Variants in CCDC9B observed in about 807,000 individuals in gnomAD.
CCDC9B encodes the protein coiled-coil domain containing 9B.
In CCDC9B, 40 loss-of-function variants were observed where a neutral mutation model predicts 47.2. The ratio of observed to expected loss-of-function variants is 0.85; its 90% CI spans 0.66 to 1.10. CCDC9B has a LOEUF of 1.10. Among genes scored for constraint, CCDC9B ranks in the 50% least tolerant of loss-of-function variants. The probability of loss-of-function intolerance (pLI) is 0.00; values close to 1 mark genes in which losing one functional copy is unlikely to be tolerated. For missense variants in CCDC9B, 662 were observed against 651.0 expected (o/e 1.02, Z -0.18); for synonymous variants, 238 against 250.7 (o/e 0.95, Z 0.48).
chr15:40,335,966 G>A, intron 9 of CCDC9B, 140 bp from the exon 10 acceptor site: 5 of 1,497,864 alleles, frequency 3.3e-6, no homozygotes, highest in Non-Finnish European at 4.4e-6. Flanking sequence ...GCCTCACACT[G>A]AGCAGTGGAG....
At position 40,338,607 on chromosome 15, in the gene CCDC9B, C is replaced by T. The variant is rs548213771; in HGVS notation, c.441G>A (p.Glu147=). The T allele has an allele frequency of 1.2e-6, 2 of 1,614,062 alleles. No individual in the cohort carries two copies. The highest frequency in any genetic ancestry group is 2.7e-5 in the African/African-American group (2 of 74,940). The change falls in exon 5 of 11, where the codon GAG becomes GAA. Residue 147 remains glutamate (E), a synonymous_variant. Transcript: ENST00000397536. ...GGGTCACACGCCCTCCAGGTGACCCCTCTATGCCTTGGTTCCTTGCTCTGG... is the reference window on the plus strand; with the variant it reads ...GGGTCACACGCCCTCCAGGTGACCCTTCTATGCCTTGGTTCCTTGCTCTGG... ...KPTRARNQGI[E]GSPGGRVTRS... is the part of the protein sequence containing the mutation.
intron 5 of CCDC9B, chr15:40,338,140 C>T (rs781293179): frequency 8.3e-6 from 6 of 722,422 alleles, no homozygotes; most frequent in Non-Finnish European, 1.5e-5. Flanking sequence ...CACCAACCCA[C>T]AGGGGTGTTG....
At chr15:40,339,307 A>C in intron 3 of CCDC9B, 3 of 599,264 alleles carry the variant, frequency 5.0e-6, no homozygotes, top group Non-Finnish European at 8.9e-6. Flanking sequence ...AAAGGGTATG[A>C]AGATGCATCT....
chr15:40,340,087 C>T, intron 1 of CCDC9B, 72 bp from the exon 2 acceptor site: 1 of 951,896 alleles, frequency 1.1e-6, no homozygotes, highest in Non-Finnish European at 1.6e-6. Flanking sequence ...TTCACATTTT[C>T]ACCACCCAAG....
chr15:40,335,148 G>A lies in CCDC9B; in HGVS notation c.*10C>T. On this transcript the variant is annotated 3_prime_UTR_variant, in exon 11 of 11. Transcript: ENST00000397536. ...CTCCCCGGGGACTCCCCAGCTCCCA[G>A]GAGCTGTGTTCAGCATCTTCCTGCC... The A allele has an allele frequency of 6.7e-7, 1 of 1,495,204 alleles. No individual in the cohort carries two copies. Among genetic ancestry groups the A allele is most frequent in the Non-Finnish European group, 8.9e-7 (1 of 1,122,740 alleles). 92.6% of individuals were successfully genotyped at this position (1,495,204 alleles called of 1,614,324 possible).
At chr15:40,338,471 C>T (rs1009399142) in intron 5 of CCDC9B, 64 bp downstream of exon 5, 4 of 1,571,014 alleles carry the variant, frequency 2.5e-6, no homozygotes, top group Admixed American at 3.5e-5. Context: ...TCTGACTCAG[C>T]TTCTCTGCCT....
chr15:40,335,241 T>C lies in CCDC9B; in HGVS notation c.1390A>G (p.Thr464Ala), dbSNP rs768986155. ...QQGLAPRSRP[T>A]RGGSQRSRGT... The stretch of plus-strand genomic sequence containing the variant: ...CTCGACCTTTGGCTGCCTCCTCTCG[T>C]GGGCCGGCTTCTCGGGGCCAGGCCC... The change falls in exon 11 of 11, where the codon ACG becomes GCG. Residue 464 changes from threonine (T) to alanine (A), a missense_variant. By Grantham distance (58) the Thr-to-Ala change is moderately conservative. Coordinates refer to ENST00000397536, the MANE Select transcript of CCDC9B (RefSeq NM_207380.3). 4 of 1,595,042 alleles carry C rather than the reference T, an allele frequency of 2.5e-6. No individual in the cohort carries two copies. The Admixed American group carries it at 6.9e-5, about 27-fold the overall frequency.
At position 40,335,652 on chromosome 15, in the gene CCDC9B, T is replaced by G. The variant is rs148266066; in HGVS notation, c.979A>C (p.Lys327Gln). Residue 327 changes from lysine to glutamine, a missense_variant, in exon 11 of 11, where the codon AAG (lysine) becomes CAG (glutamine). By Grantham distance (53) the Lys-to-Gln change is moderately conservative (BLOSUM62 1). Coordinates refer to ENST00000397536, the MANE Select transcript of CCDC9B (RefSeq NM_207380.3). ...CGGCCCTGCTCCATCCCGCTCTGCT[T>G]CTGGGCTTGCTCCTCCTCACTGGGA... ...ETPSEEEQAQKQSGMEQGRLG... is the reference protein window; with the variant it reads ...ETPSEEEQAQQQSGMEQGRLG... The G allele has an allele frequency of 1.6e-4, 243 of 1,534,620 alleles. No homozygotes were observed. The African/African-American group carries it at 2.9e-3, about 18-fold the overall frequency.
rs3067241 is a variant in CCDC9B at position 40,333,566 on chromosome 15, T to TAAAAAAAAAAAAAAA, written c.*1577_*1591dup. The TAAAAAAAAAAAAAAA allele has an allele frequency of 5.9e-3, 389 of 65,532 alleles. 37 individuals are homozygous for TAAAAAAAAAAAAAAA. The highest frequency in any genetic ancestry group is 0.025 in the African/African-American group (364 of 14,702). 4.1% of individuals were successfully genotyped at this position (65,532 alleles called of 1,614,324 possible). A position where few individuals can be genotyped will look rare whatever the true frequency, so the allele number is the denominator to read the frequency against. ...TAGGTGATAACAGCAGGACCCTAAC[T>TAAAAAAAAAAAAAAA]AAAAAAAAAAAAAAAAAAAAAAGAC... is the stretch of plus-strand genomic sequence containing the variant. On this transcript the variant is annotated 3_prime_UTR_variant, in exon 11 of 11. Transcript: ENST00000397536.
rs1888987612 is a variant in CCDC9B at position 40,337,461 on chromosome 15, G to A, written c.684-15C>T. 3 of 1,541,942 alleles carry A rather than the reference G, an allele frequency of 1.9e-6. No homozygotes were observed. Among genetic ancestry groups the A allele is most frequent in the Admixed American group, 4.1e-5 (2 of 48,730 alleles). On this transcript the variant is annotated splice_polypyrimidine_tract_variant and intron_variant, in intron 6 of 10. Coordinates refer to ENST00000397536, the MANE Select transcript of CCDC9B (RefSeq NM_207380.3). ...AGTCCTGTAGCCTGTGTAGACAGAGGGAGTCAGGTTGCTGGTGCACAGAAG... is the reference window on the plus strand; with the variant it reads ...AGTCCTGTAGCCTGTGTAGACAGAGAGAGTCAGGTTGCTGGTGCACAGAAG...
In CCDC9B at chr15:40,335,208, C is replaced by G. The variant is rs1004196352; in HGVS notation, c.1423G>C (p.Ala475Pro). The stretch of plus-strand genomic sequence containing the variant: ...CGCCCTGTCCTGCGCCTCACACCTG[C>G]TGTGCCTCTCGACCTTTGGCTGCCT... ...RGGSQRSRGT[A>P]GVRRRTGRPG... Residue 475 changes from alanine (A) to proline (P), a missense_variant, in exon 11 of 11, where the codon GCA becomes CCA. Ala to Pro is a conservative substitution (Grantham distance 27, BLOSUM62 -1). Coordinates refer to ENST00000397536, the MANE Select transcript of CCDC9B (RefSeq NM_207380.3). The G allele has an allele frequency of 6.4e-7, 1 of 1,564,438 alleles. No individual in the cohort carries two copies. Among genetic ancestry groups the G allele is most frequent in the African/African-American group, 1.4e-5 (1 of 73,488 alleles).
intron 6 of CCDC9B, 88 bp from the exon 7 acceptor site, chr15:40,337,534 A>T: frequency 7.7e-7 from 1 of 1,295,468 alleles, no homozygotes; most frequent in Non-Finnish European, 1.1e-6. Flanking sequence ...GCCCAGGCCC[A>T]GAATTGAAGG....
chr15:40,339,056 A>G, intron 3 of CCDC9B, 153 bp from the exon 4 acceptor site: 1 of 859,874 alleles, frequency 1.2e-6, no homozygotes, highest in Admixed American at 2.0e-5. Flanking sequence ...TCACATGCCA[A>G]TGGCATGAGG....
Position 40,335,707 on chromosome 15 carries a change from C to A in CCDC9B, c.931-7G>T. ...CTCTGGTGCTTTGGCTTCCCTGAAA[C>A]AAGAGAATAGCCCCGGTGGCTGATG... On this transcript the variant is annotated splice_polypyrimidine_tract_variant and splice_region_variant and intron_variant, in intron 10 of 10. Transcript: ENST00000397536. 6.4e-7 allele frequency: 1 copy of A among 1,569,834 alleles called. No homozygotes were observed. The highest frequency in any genetic ancestry group is 1.4e-5 in the African/African-American group (1 of 74,040).
chr15:40,338,944 G>A lies in CCDC9B; in HGVS notation c.232-41C>T, dbSNP rs761396189. ...CCTCAGGCCACATGGGCAGTGCTGGGCAGGACCTGGGTGCTGGGTCCTCTC... is the reference window on the plus strand; with the variant it reads ...CCTCAGGCCACATGGGCAGTGCTGGACAGGACCTGGGTGCTGGGTCCTCTC... On this transcript the variant is annotated intron_variant, in intron 3 of 10. Coordinates refer to ENST00000397536, the MANE Select transcript of CCDC9B (RefSeq NM_207380.3). 9.9e-6 allele frequency: 16 copies of A among 1,613,106 alleles called. No homozygotes were observed. The East Asian group carries it at 3.6e-4, about 36-fold the overall frequency.
rs1294258036 is a variant in CCDC9B, at chr15:40,334,548, C to T, written c.*610G>A. 1 of 152,264 alleles carries T rather than the reference C, an allele frequency of 6.6e-6. No homozygotes were observed. The highest frequency in any genetic ancestry group is 1.9e-4 in the East Asian group (1 of 5,200). 9.4% of individuals were successfully genotyped at this position (152,264 alleles called of 1,614,324 possible). Reference sequence around the variant, plus strand: ...CAGAGAGGAGGACTTTCCAGAGATCCTCCTTTTCACCAAGAAGACGTGAGC... The same window carrying T: ...CAGAGAGGAGGACTTTCCAGAGATCTTCCTTTTCACCAAGAAGACGTGAGC... On this transcript the variant is annotated 3_prime_UTR_variant, in exon 11 of 11. Coordinates refer to ENST00000397536, the MANE Select transcript of CCDC9B (RefSeq NM_207380.3).
In CCDC9B at chr15:40,338,889, A is replaced by G. The variant is rs2141248683; in HGVS notation, c.246T>C (p.Val82=). The G allele has an allele frequency of 6.2e-7, 1 of 1,614,024 alleles. No individual in the cohort carries two copies. The highest frequency in any genetic ancestry group is 8.5e-7 in the Non-Finnish European group (1 of 1,180,010). Reference sequence around the variant, plus strand: ...AGGTACCCCTTGCCCAGTTCCTGCTAACCACCCGCTTTTCCTGCAGAACAA... The same window carrying G: ...AGGTACCCCTTGCCCAGTTCCTGCTGACCACCCGCTTTTCCTGCAGAACAA... ...ISQVPGEKRV[V]SRNWARGTCG... is the part of the protein sequence containing the mutation. Residue 82 remains valine, a synonymous_variant, in exon 4 of 11, where the codon GTT becomes GTC. Transcript: ENST00000397536.
chr15:40,340,834 C>G lies in CCDC9B; in HGVS notation c.-15G>C, dbSNP rs762575811. The G allele has an allele frequency of 6.2e-7, 1 of 1,609,388 alleles. No individual in the cohort carries two copies. The highest frequency in any genetic ancestry group is 2.2e-5 in the East Asian group (1 of 44,752). On this transcript the variant is annotated 5_prime_UTR_variant, in exon 1 of 11. Coordinates refer to ENST00000397536, the MANE Select transcript of CCDC9B (RefSeq NM_207380.3). ...GCCGAGTGCATGGCAACGGCGGGCA[C>G]CGAGAGAATTCCAGAGCAGCCCCTG... is the stretch of plus-strand genomic sequence containing the variant.
At chr15:40,338,486 C>G in intron 5 of CCDC9B, 49 bp downstream of exon 5, 9 of 1,590,772 alleles carry the variant, frequency 5.7e-6, no homozygotes, top group Non-Finnish European at 7.7e-6. Context: ...CTGCCTCCCC[C>G]AAGTGAGGAC....
Sources: allele counts gnomAD v4.1 joint callset, GRCh38; gene constraint gnomAD v4.1.1; transcripts MANE v1.5; gene names NCBI Gene and HGNC (gene_info 2026-07-23, HGNC 2026-07-21).